Variants in GUCY1A2 observed in about 807,000 individuals in gnomAD.
GUCY1A2 encodes guanylate cyclase soluble subunit alpha-2.
In GUCY1A2, 27 loss-of-function variants were observed where a neutral mutation model predicts 63.5. The observed-to-expected ratio is 0.43, with a 90% CI of 0.31 to 0.59. The LOEUF is 0.59. GUCY1A2 is among the 20% of genes least tolerant of loss of function. GUCY1A2 has a pLI of 0.11. For missense variants in GUCY1A2, 768 were observed against 913.3 expected (o/e 0.84, Z 2.05); for synonymous variants, 364 against 343.5 (o/e 1.06, Z -0.66).
intron 1 of GUCY1A2, among the ~76,000 whole-genome samples, chr11:106,993,155 A>C (rs1861492701): frequency 6.6e-6 from 1 of 152,154 alleles, no homozygotes; most frequent in Non-Finnish European, 1.5e-5. Context: ...ATTTTAGTAA[A>C]CAGGCTTGTC....
intron 1 of GUCY1A2, among the ~76,000 whole-genome samples, chr11:106,993,115 T>C (rs1342419369): frequency 6.6e-6 from 1 of 152,202 alleles, no homozygotes; most frequent in Non-Finnish European, 1.5e-5. Flanking sequence ...CTCTACAATA[T>C]AGAAGATGGT....
chr11:106,771,101 A>G (rs553104633), intron 6 of GUCY1A2, among the ~76,000 whole-genome samples: 1 of 152,238 alleles, frequency 6.6e-6, no homozygotes, highest in Admixed American at 6.5e-5. Context: ...GACATACTCA[A>G]TATTCTTCAA....
rs188900715 is a variant in GUCY1A2 at position 106,686,591 on chromosome 11, T to G, written c.*958A>C. 1 of 218,100 alleles carries G rather than the reference T, an allele frequency of 4.6e-6. No individual in the cohort carries two copies. The highest frequency in any genetic ancestry group is 5.8e-5 in the Admixed American group (1 of 17,240). 13.5% of individuals were successfully genotyped at this position (218,100 alleles called of 1,614,324 possible). On this transcript the variant is annotated 3_prime_UTR_variant, in exon 8 of 8. Transcript: ENST00000526355. ...GTAACTAACATGTCATTTAGCTGAA[T>G]GCTGTTTATTAGAATGCAGTTTAGT...
At chr11:106,896,417 C>T (rs1860050384) in intron 4 of GUCY1A2, among the ~76,000 whole-genome samples, 1 of 152,102 alleles carries the variant, frequency 6.6e-6, no homozygotes, top group Non-Finnish European at 1.5e-5. Context: ...AAGAATGTAC[C>T]ATCTCACTAC....
chr11:106,782,220 T>G (rs1165385347), intron 5 of GUCY1A2, among the ~76,000 whole-genome samples: 1 of 152,170 alleles, frequency 6.6e-6, no homozygotes, highest in African/African-American at 2.4e-5. Context: ...TCTACATTAC[T>G]GAACAATCTT....
intron 4 of GUCY1A2, among the ~76,000 whole-genome samples, chr11:106,924,860 C>G (rs1477087114): frequency 6.6e-6 from 1 of 151,940 alleles, no homozygotes. Context: ...CAAAAATTAG[C>G]TGGGCATGGT....
At chr11:107,012,260 CT>C (rs371100294) in intron 1 of GUCY1A2, among the ~76,000 whole-genome samples, 8,119 of 141,192 alleles carry the variant, frequency 0.058, 635 homozygotes, top group African/African-American at 0.19. Flanking sequence ...CTTCTTATTA[CT>C]TTTTTTTTTT....
intron 3 of GUCY1A2, among the ~76,000 whole-genome samples, chr11:106,967,235 A>G (rs561303771): frequency 6.6e-6 from 1 of 152,264 alleles, no homozygotes; most frequent in African/African-American, 2.4e-5. Flanking sequence ...GCTTTATGAA[A>G]GCTCACAGAC....
At chr11:106,832,139 T>A (rs938503314) in intron 4 of GUCY1A2, among the ~76,000 whole-genome samples, 1 of 152,208 alleles carries the variant, frequency 6.6e-6, no homozygotes, top group African/African-American at 2.4e-5. Flanking sequence ...CGTTCAACAT[T>A]AATCATTATG....
chr11:106,704,484 C>T (rs774371502), intron 7 of GUCY1A2, among the ~76,000 whole-genome samples: 1 of 152,154 alleles, frequency 6.6e-6, no homozygotes, highest in Non-Finnish European at 1.5e-5. Context: ...CTAATCTGCT[C>T]GACTGTACAT....
At chr11:106,991,330 A>G (rs1336220583) in intron 1 of GUCY1A2, among the ~76,000 whole-genome samples, 1 of 152,160 alleles carries the variant, frequency 6.6e-6, no homozygotes, top group East Asian at 1.9e-4. Flanking sequence ...GACAAAATAT[A>G]TCTATCAAGG....
chr11:106,789,424 A>G (rs1864620391), intron 5 of GUCY1A2, among the ~76,000 whole-genome samples: 1 of 152,172 alleles, frequency 6.6e-6, no homozygotes, highest in Non-Finnish European at 1.5e-5. Flanking sequence ...TTTCCTCAAA[A>G]CAGCAATTTT....
intron 5 of GUCY1A2, among the ~76,000 whole-genome samples, chr11:106,803,040 C>T (rs1858632384): frequency 6.6e-6 from 1 of 152,154 alleles, no homozygotes; most frequent in African/African-American, 2.4e-5. Context: ...CAAGACACAT[C>T]ATTAATATTA....
chr11:106,721,899 G>T (rs1863323497), intron 6 of GUCY1A2, among the ~76,000 whole-genome samples: 1 of 152,158 alleles, frequency 6.6e-6, no homozygotes, highest in Non-Finnish European at 1.5e-5. Context: ...TGCACCCATA[G>T]TACCTATCAC....
intron 3 of GUCY1A2, among the ~76,000 whole-genome samples, chr11:106,972,188 T>C (rs530703941): frequency 6.6e-6 from 1 of 152,246 alleles, no homozygotes; most frequent in African/African-American, 2.4e-5. Context: ...CTAAGGATAT[T>C]GAAATAAAGC....
chr11:106,925,009 A>AAAAAC (rs1030320681), intron 4 of GUCY1A2, among the ~76,000 whole-genome samples: 1 of 152,144 alleles, frequency 6.6e-6, no homozygotes, highest in Non-Finnish European at 1.5e-5. Flanking sequence ...CCTGTCTCAA[A>AAAAAC]AAAACAAAAC....
chr11:106,935,514 T>C (rs986504473), intron 4 of GUCY1A2, among the ~76,000 whole-genome samples: 1 of 152,156 alleles, frequency 6.6e-6, no homozygotes, highest in South Asian at 2.1e-4. Flanking sequence ...TCTTTTAAAA[T>C]GCATCTGAAT....
chr11:106,973,768 T>G (rs1335208944), intron 3 of GUCY1A2, among the ~76,000 whole-genome samples: 4 of 152,126 alleles, frequency 2.6e-5, no homozygotes, highest in Non-Finnish European at 5.9e-5. Flanking sequence ...AGTATCAGTT[T>G]TCTCACCTAA....
At chr11:106,921,613 A>G (rs547165467) in intron 4 of GUCY1A2, among the ~76,000 whole-genome samples, 2 of 152,188 alleles carry the variant, frequency 1.3e-5, no homozygotes, top group East Asian at 1.9e-4. Flanking sequence ...CCACAACACA[A>G]TAGTCAAACT....
Sources: allele counts gnomAD v4.1 joint callset (sites outside exome capture counted in the v4.1 genomes callset), GRCh38; gene constraint gnomAD v4.1.1; transcripts MANE v1.5; gene names NCBI Gene and HGNC (gene_info 2026-07-23, HGNC 2026-07-21).